The following NREP variants were observed in gnomAD, a reference collection of about 807,000 sequenced individuals.
NREP encodes neuronal regeneration related protein.
A neutral mutation model predicts 8.6 loss-of-function variants in NREP; 5 were observed. That is an observed-to-expected ratio of 0.58 (90% CI 0.30 to 1.22). The LOEUF is 1.22. Ranked by LOEUF, NREP falls within the 50% of genes most tolerant of loss-of-function variation. The probability of loss-of-function intolerance (pLI) is 0.07; values close to 1 mark genes in which losing one functional copy is unlikely to be tolerated. For synonymous variants in NREP, 27 were observed against 28.0 expected (o/e 0.96, Z 0.11); for missense variants, 86 against 82.5 (o/e 1.04, Z -0.17).
At chr5:111,805,641 T>C (rs997148090) in intron 2 of NREP, among the ~76,000 whole-genome samples, 3 of 152,164 alleles carry the variant, frequency 2.0e-5, no homozygotes, top group Admixed American at 6.5e-5. Flanking sequence ...GCTGAAGTAA[T>C]TGGGGGTAAA....
intron 2 of NREP, among the ~76,000 whole-genome samples, chr5:111,964,927 A>T (rs999534335): frequency 6.7e-6 from 1 of 150,132 alleles, no homozygotes; most frequent in Non-Finnish European, 1.5e-5. Flanking sequence ...AAAATTACTT[A>T]AACAATAAGA....
intron 2 of NREP, among the ~76,000 whole-genome samples, chr5:111,906,820 G>T (rs890587936): frequency 1.2e-4 from 18 of 152,052 alleles, no homozygotes; most frequent in Middle Eastern, 3.2e-3. Flanking sequence ...CTTCTTTGGT[G>T]AAGTGTCCAT....
chr5:111,766,018 T>C (rs1047318364), intron 2 of NREP, among the ~76,000 whole-genome samples: 2 of 115,052 alleles, frequency 1.7e-5, no homozygotes, highest in Admixed American at 9.1e-5. Flanking sequence ...GTCAGAAAAC[T>C]AAAAAACTGA....
intron 2 of NREP, among the ~76,000 whole-genome samples, chr5:111,941,668 A>G (rs753783264): frequency 2.6e-4 from 39 of 152,174 alleles, no homozygotes; most frequent in Middle Eastern, 6.8e-3. Context: ...TTTACATTTG[A>G]TGAATGCAAG....
intron 2 of NREP, among the ~76,000 whole-genome samples, chr5:111,905,662 A>G (rs558985434): frequency 7.2e-5 from 11 of 152,228 alleles, no homozygotes; most frequent in Non-Finnish European, 1.3e-4. Flanking sequence ...TTTATGATTC[A>G]ATGTTTTAGT....
intron 2 of NREP, among the ~76,000 whole-genome samples, chr5:111,886,948 T>C (rs950755958): frequency 2.0e-5 from 3 of 151,606 alleles, no homozygotes; most frequent in Non-Finnish European, 4.4e-5. Flanking sequence ...ATTGTGCACA[T>C]GTACCCTAAA....
At chr5:111,884,653 T>G (rs749102188) in intron 2 of NREP, among the ~76,000 whole-genome samples, 2 of 152,320 alleles carry the variant, frequency 1.3e-5, no homozygotes, top group East Asian at 3.9e-4. Flanking sequence ...ATCCCTGGGA[T>G]GCAAGGCTGG....
At chr5:111,922,236 T>A (rs1239348958) in intron 2 of NREP, among the ~76,000 whole-genome samples, 2 of 152,114 alleles carry the variant, frequency 1.3e-5, no homozygotes, top group Non-Finnish European at 2.9e-5. Flanking sequence ...TTTTTCTACC[T>A]TTCTTGAGGA....
At chr5:111,765,603 G>A (rs779486820) in intron 2 of NREP, among the ~76,000 whole-genome samples, 5 of 152,334 alleles carry the variant, frequency 3.3e-5, no homozygotes, top group Admixed American at 6.5e-5. Flanking sequence ...TGTAAGCCGC[G>A]GAGCTGGGAT....
chr5:111,814,062 A>T (rs914224025), intron 2 of NREP, among the ~76,000 whole-genome samples: 2 of 152,094 alleles, frequency 1.3e-5, no homozygotes, highest in Non-Finnish European at 2.9e-5. Context: ...TGTTTGAGAA[A>T]GAAGACAGTT....
At chr5:111,866,524 G>C (rs562359154) in intron 2 of NREP, among the ~76,000 whole-genome samples, 1 of 152,104 alleles carries the variant, frequency 6.6e-6, no homozygotes, top group African/African-American at 2.4e-5. Context: ...TGTGGAGAAA[G>C]AGGAACACTT....
At chr5:111,796,478 G>A (rs1177127662) in intron 2 of NREP, among the ~76,000 whole-genome samples, 2 of 152,054 alleles carry the variant, frequency 1.3e-5, no homozygotes, top group Non-Finnish European at 2.9e-5. Flanking sequence ...ATATTAATTG[G>A]CATCCCAAAG....
intron 2 of NREP, among the ~76,000 whole-genome samples, chr5:111,782,494 A>G (rs1019619370): frequency 1.3e-5 from 2 of 152,170 alleles, no homozygotes; most frequent in African/African-American, 4.8e-5. Flanking sequence ...CTGTGTTTCA[A>G]ATTAGACTCT....
At chr5:111,888,451 C>T (rs1037869982) in intron 2 of NREP, among the ~76,000 whole-genome samples, 4 of 151,998 alleles carry the variant, frequency 2.6e-5, no homozygotes, top group Non-Finnish European at 5.9e-5. Context: ...GGGGGAAGCC[C>T]CTTATAAAAC....
chr5:111,945,330 G>C (rs961440393), intron 2 of NREP, among the ~76,000 whole-genome samples: 1 of 151,550 alleles, frequency 6.6e-6, no homozygotes, highest in African/African-American at 2.4e-5. Flanking sequence ...TGTGCACAAC[G>C]TGCAGGTTTG....
rs116381621 is a variant in NREP at position 111,842,968 on chromosome 5, C to A, written c.136-107461G>T. 5.9e-5 allele frequency among the ~76,000 whole-genome samples: 9 copies of A among 152,092 alleles called. 1 individual carries two copies. The highest frequency in any genetic ancestry group is 4.4e-5 in the Non-Finnish European group (3 of 68,018). Reference sequence around the variant, plus strand: ...TTTGTGCGACAAGTTGCTTTTCTCTCGCTAAAATTCTCTGTCTTTGGCAAA... The same window carrying A: ...TTTGTGCGACAAGTTGCTTTTCTCTAGCTAAAATTCTCTGTCTTTGGCAAA... On this transcript the variant is annotated intron_variant, in intron 2 of 3. Transcript: ENST00000395634.
At chr5:111,775,683 G>T (rs1178771457) in intron 2 of NREP, among the ~76,000 whole-genome samples, 1 of 152,076 alleles carries the variant, frequency 6.6e-6, no homozygotes. Context: ...AAGGGTAGAC[G>T]AGGGCTTTGT....
chr5:111,928,336 T>C (rs1323436821), intron 2 of NREP, among the ~76,000 whole-genome samples: 1 of 141,592 alleles, frequency 7.1e-6, no homozygotes, highest in African/African-American at 3.2e-5. Context: ...TCTGATTTAG[T>C]TTTTTTAATT....
rs138950637 is a variant in NREP at position 111,735,465 on chromosome 5, A to T, written c.46T>A (p.Phe16Ile). 6 of 1,613,344 alleles carry T rather than the reference A, an allele frequency of 3.7e-6. 1 individual carries two copies. The Middle Eastern group carries it at 9.9e-4, about 266-fold the overall frequency. ...CTTCCCTCCATGTCCTTGTTTGGAA[A>T]TGGTTCTTGACTGACCCAGACAAAG... ...ELFVWVSQEP[F>I]PNKDMEGRLP... The change falls in exon 3 of 4, where the codon TTT becomes ATT. Residue 16 changes from phenylalanine (F) to isoleucine (I), a missense_variant. By Grantham distance (21) the Phe-to-Ile change is conservative. Coordinates refer to ENST00000257435, the MANE Select transcript of NREP (RefSeq NM_004772.4).
Sources: gnomAD v4.1 joint callset for allele counts (sites outside exome capture counted in the v4.1 genomes callset) on GRCh38, gnomAD v4.1.1 for gene constraint, MANE v1.5 for transcripts, NCBI Gene and HGNC (gene_info 2026-07-23, HGNC 2026-07-21) for gene names.